The following SDCBP2 variants were observed in gnomAD, a reference collection of about 807,000 sequenced individuals.
SDCBP2 encodes the protein syntenin-2.
SDCBP2 carries 28 observed loss-of-function variants against 30.7 expected under a neutral mutation model. That is an observed-to-expected ratio of 0.91 (90% CI 0.68 to 1.25). The LOEUF (loss-of-function observed/expected upper bound fraction) is 1.25, where lower values mean the gene tolerates loss of function less well. SDCBP2 is among the 50% of genes most tolerant of loss of function. The probability of loss-of-function intolerance (pLI) is 0.00; values close to 1 mark genes in which losing one functional copy is unlikely to be tolerated. For synonymous variants in SDCBP2, 166 were observed against 157.3 expected, an observed-to-expected ratio of 1.06 and a Z score of -0.41; for missense variants, 399 against 379.0, an observed-to-expected ratio of 1.05 and a Z score of -0.44.
At chr20:1,327,417 G>A (rs1294668653) in intron 1 of SDCBP2, among the ~76,000 whole-genome samples, 4 of 152,190 alleles carry the variant, frequency 2.6e-5, no homozygotes, top group Admixed American at 6.5e-5. Flanking sequence ...GGAGGGAAGC[G>A]TGGGTTAGAG....
intron 4 of SDCBP2, chr20:1,317,945 G>A: frequency 2.8e-6 from 1 of 352,832 alleles, no homozygotes; most frequent in Non-Finnish European, 5.6e-6. Flanking sequence ...TTAATTTGGG[G>A]ACCAGAGTTG....
In SDCBP2 at chr20:1,310,201, TC is replaced by T. The variant is rs2122493765; in HGVS notation, c.*239del. The T allele has an allele frequency of 4.6e-6, 2 of 438,680 alleles. No homozygotes were observed. The highest frequency in any genetic ancestry group is 3.9e-5 in the Admixed American group (1 of 25,766). 27.2% of individuals were successfully genotyped at this position (438,680 alleles called of 1,614,324 possible). On this transcript the variant is annotated 3_prime_UTR_variant, in exon 9 of 9. Coordinates refer to ENST00000360779, the MANE Select transcript of SDCBP2 (RefSeq NM_080489.5). ...CCTGCCTCCGTGTCCAGCATTTAAA[TC>T]AGCACAAGAGAATCGGCTGCCTGTG...
intron 7 of SDCBP2, 185 bp from the exon 8 acceptor site, chr20:1,311,076 T>A: frequency 1.8e-6 from 1 of 541,030 alleles, no homozygotes; most frequent in Non-Finnish European, 3.3e-6. Context: ...CCAGGTAAGG[T>A]CTTGCTTGAG....
Position 1,319,580 on chromosome 20 carries a change from G to T in SDCBP2, c.124+10C>A. On this transcript the variant is annotated intron_variant, in intron 3 of 8. Transcript: ENST00000360779. ...TGGCACCCAGGAGCCCCTCATCCCA[G>T]CCCACTCACCTGGTGGTGGGGAAAT... The T allele has an allele frequency of 6.4e-7, 1 of 1,561,978 alleles. No homozygotes were observed. The highest frequency in any genetic ancestry group is 8.7e-7 in the Non-Finnish European group (1 of 1,151,622).
At chr20:1,317,999 C>A in intron 4 of SDCBP2, 1 of 395,604 alleles carries the variant, frequency 2.5e-6, no homozygotes, top group Non-Finnish European at 4.9e-6. Context: ...TCCATGCAGG[C>A]AGCCCTGCTT....
In SDCBP2 at chr20:1,320,355, C is replaced by T. The variant is rs763223201; in HGVS notation, c.54+8G>A. The T allele has an allele frequency of 9.9e-6, 16 of 1,613,228 alleles. No individual in the cohort carries two copies. Among genetic ancestry groups the T allele is most frequent in the African/African-American group, 4.0e-5 (3 of 74,906 alleles). ...GGGAATCCAGGCCAATGGGGCCTGG[C>T]GACTTACCTGAATGGCTTGGTCCAC... On this transcript the variant is annotated splice_region_variant and intron_variant, in intron 2 of 8. Coordinates refer to ENST00000360779, the MANE Select transcript of SDCBP2 (RefSeq NM_080489.5). The surrounding 1 kb of genome is among the most constrained non-coding windows in gnomAD (Gnocchi z 4.7).
chr20:1,311,550 T>G (rs1280709453), intron 7 of SDCBP2, among the ~76,000 whole-genome samples: 4 of 152,216 alleles, frequency 2.6e-5, no homozygotes, highest in Non-Finnish European at 4.4e-5. Context: ...ACCTTTACAT[T>G]ACACATGTAT....
At position 1,310,436 on chromosome 20, in the gene SDCBP2, T is replaced by C; in HGVS notation, c.*5A>G. On this transcript the variant is annotated 3_prime_UTR_variant, in exon 9 of 9. Transcript: ENST00000360779. The stretch of plus-strand genomic sequence containing the variant: ...CCCCCCTGCCTGCCCTGCCCTGCAG[T>C]GGCTTCAGGCATCTGGGATGGAGTG... 1.2e-6 allele frequency: 2 copies of C among 1,613,216 alleles called. No homozygotes were observed. The highest frequency in any genetic ancestry group is 1.7e-6 in the Non-Finnish European group (2 of 1,179,824).
At chr20:1,327,919 T>C (rs1252548618) in intron 1 of SDCBP2, among the ~76,000 whole-genome samples, 1 of 152,224 alleles carries the variant, frequency 6.6e-6, no homozygotes, top group Non-Finnish European at 1.5e-5. Context: ...CCAAATGTAC[T>C]TTCTTTGGGG....
At chr20:1,315,387 G>A (rs2122515587) in intron 4 of SDCBP2, among the ~76,000 whole-genome samples, 1 of 152,292 alleles carries the variant, frequency 6.6e-6, no homozygotes, top group Middle Eastern at 3.4e-3. Flanking sequence ...AAATTAGCCA[G>A]GTGTGCTGGA....
intron 1 of SDCBP2, chr20:1,322,017 T>G (rs1312045508): frequency 1.3e-5 from 2 of 152,250 alleles, no homozygotes; most frequent in Non-Finnish European, 2.9e-5. Context: ...TAGATATTTG[T>G]TTGCAACCCT....
At chr20:1,312,201 C>T (rs3795137) in intron 7 of SDCBP2, 136 bp downstream of exon 7, 475,883 of 865,194 alleles carry the variant, frequency 0.55, 135,424 homozygotes, top group East Asian at 0.88. Flanking sequence ...CCCAGCCCTA[C>T]GAACACCGTC....
chr20:1,313,451 G>T lies in SDCBP2; in HGVS notation c.273C>A (p.Thr91=), dbSNP rs755548627. The part of the protein sequence containing the change: ...PGPGQMVAPV[T]GYSLGVRRAE... ...CTCGCCGCACGCCCAGGCTGTACCC[G>T]GTTACCGGTGCCACCATCTGGCCGG... The change falls in exon 5 of 9, where the codon ACC becomes ACA. Residue 91 remains threonine, a synonymous_variant. Transcript: ENST00000360779. The surrounding 1 kb of genome is among the most constrained non-coding windows in gnomAD (Gnocchi z 5.2). The T allele has an allele frequency of 5.0e-6, 8 of 1,600,660 alleles. No individual in the cohort carries two copies. The highest frequency in any genetic ancestry group is 6.0e-6 in the Non-Finnish European group (7 of 1,175,704).
intron 7 of SDCBP2, among the ~76,000 whole-genome samples, chr20:1,311,590 T>G (rs2088670032): frequency 6.6e-6 from 1 of 152,230 alleles, no homozygotes. Flanking sequence ...TCTTGGTTGT[T>G]CGAAAATAAA....
chr20:1,315,688 C>A (rs1449344132), intron 4 of SDCBP2, among the ~76,000 whole-genome samples: 1 of 151,792 alleles, frequency 6.6e-6, no homozygotes, highest in Non-Finnish European at 1.5e-5. Flanking sequence ...TAGAAGAATA[C>A]GAAGGAGAAA....
rs2088637516 is a variant in SDCBP2, at chr20:1,310,085, C to T, written c.*356G>A. 4.7e-6 allele frequency: 1 copy of T among 211,208 alleles called. No individual in the cohort carries two copies. The highest frequency in any genetic ancestry group is 9.4e-6 in the Non-Finnish European group (1 of 106,774). The allele number at this position is 211,208 out of a possible 1,614,324, so 13.1% of individuals were successfully genotyped here. On this transcript the variant is annotated 3_prime_UTR_variant, in exon 9 of 9. Coordinates refer to ENST00000360779, the MANE Select transcript of SDCBP2 (RefSeq NM_080489.5). Reference sequence around the variant, plus strand: ...GAAAAAGCTCTCACAAAGAACGTAGCTCTGTTCTCTTAAAATGTGTAACTG... The same window carrying T: ...GAAAAAGCTCTCACAAAGAACGTAGTTCTGTTCTCTTAAAATGTGTAACTG...
intron 1 of SDCBP2, chr20:1,322,047 A>T (rs538995788): frequency 6.6e-6 from 1 of 152,356 alleles, no homozygotes; most frequent in East Asian, 1.9e-4. Flanking sequence ...CTCCAGCTTC[A>T]TTTCTTGCCT....
rs1489596530 is a variant in SDCBP2, at chr20:1,313,238, T to A, written c.384+102A>T. 1.6e-6 allele frequency: 2 copies of A among 1,275,880 alleles called. No individual in the cohort carries two copies. The highest frequency in any genetic ancestry group is 2.2e-6 in the Non-Finnish European group (2 of 911,810). The allele number at this position is 1,275,880 out of a possible 1,614,324, so 79.0% of individuals were successfully genotyped here. On this transcript the variant is annotated intron_variant, in intron 5 of 8. Coordinates refer to ENST00000360779, the MANE Select transcript of SDCBP2 (RefSeq NM_080489.5). This position sits in a 1 kb window ranked among gnomAD's most constrained non-coding sequence, Gnocchi z 5.2. ...TGGCCGCTGGGGTTAGGAGGCCCGC[T>A]CTGCACCTTCCTTACTGTGGACGGG...
intron 1 of SDCBP2, chr20:1,325,673 T>TA (rs1289332234): frequency 2.6e-5 from 4 of 152,070 alleles, no homozygotes; most frequent in African/African-American, 9.7e-5. Flanking sequence ...GAGGAGGACT[T>TA]ATAAGATTCT....
Sources: allele counts gnomAD v4.1 joint callset (sites outside exome capture counted in the v4.1 genomes callset), GRCh38; gene constraint gnomAD v4.1.1; non-coding constraint Gnocchi (gnomAD v3.1); transcripts MANE v1.5; gene names NCBI Gene and HGNC (gene_info 2026-07-23, HGNC 2026-07-21).